The following BLOC1S6 variants were observed in gnomAD, a reference collection of about 807,000 sequenced individuals.
BLOC1S6 encodes the protein biogenesis of lysosomal organelles complex 1 subunit 6, also known as biogenesis of lysosome-related organelles complex 1 subunit 6.
A neutral mutation model predicts 24.7 loss-of-function variants in BLOC1S6; 24 were observed. The observed-to-expected ratio is 0.97, with a 90% CI of 0.70 to 1.37. BLOC1S6 has a LOEUF of 1.37. BLOC1S6 is among the 40% of genes most tolerant of loss of function. The pLI is 0.00. For missense variants in BLOC1S6, 175 were observed against 196.2 expected (o/e 0.89, Z 0.64); for synonymous variants, 76 against 72.6 (o/e 1.05, Z -0.23).
chr15:45,603,140 A>T lies in BLOC1S6; in HGVS notation c.265A>T (p.Ile89Phe). The change falls in exon 3 of 5, where the codon ATT becomes TTT. Residue 89 changes from isoleucine (I) to phenylalanine (F), a missense_variant. Physicochemically the swap from Ile to Phe is conservative, Grantham distance 21. Transcript: ENST00000220531. ...ATTGTTAGACACACTGGAACAAGAG[A>T]TTTCAAAATTTAAAGAATGTCATTC... ...VVLLDTLEQE[I>F]SKFKECHSML... 1 of 1,611,548 alleles carries T rather than the reference A, an allele frequency of 6.2e-7. No homozygotes were observed. Among genetic ancestry groups the T allele is most frequent in the Non-Finnish European group, 8.5e-7 (1 of 1,178,148 alleles).
At position 45,603,133 on chromosome 15, in the gene BLOC1S6, A is replaced by AC. The variant is rs1386808832; in HGVS notation, c.259dup (p.Gln87ProfsTer7). ...AAGTTGTATTGTTAGACACACTGGA[A>AC]CAAGAGATTTCAAAATTTAAAGAAT... On this transcript the variant is annotated frameshift_variant, in exon 3 of 5. Coordinates refer to ENST00000220531, the MANE Select transcript of BLOC1S6 (RefSeq NM_012388.4). LOFTEE classifies it high-confidence loss of function. The AC allele has an allele frequency of 3.7e-6, 6 of 1,611,638 alleles. No homozygotes were observed.
intron 3 of BLOC1S6, among the ~76,000 whole-genome samples, chr15:45,603,996 T>A (rs1052434128): frequency 6.6e-6 from 1 of 152,212 alleles, no homozygotes; most frequent in South Asian, 2.1e-4. Flanking sequence ...AGTGATACTC[T>A]GTATTATAAG....
At chr15:45,605,573 GTTTT>G in intron 4 of BLOC1S6, 59 bp downstream of exon 4, 1 of 824,816 alleles carries the variant, frequency 1.2e-6, no homozygotes, top group Non-Finnish European at 1.8e-6. Flanking sequence ...GTTTTTTGTT[GTTTT>G]TTTTTTTTTT....
At chr15:45,599,388 T>A (rs1894188082) in intron 2 of BLOC1S6, 1 of 93,126 alleles carries the variant, frequency 1.1e-5, no homozygotes, top group Non-Finnish European at 1.9e-5. Context: ...ACCATCAGAG[T>A]GAACAGGCAA....
At chr15:45,603,038 CTT>C in intron 2 of BLOC1S6, 60 bp from the exon 3 acceptor site, 2 of 1,116,360 alleles carry the variant, frequency 1.8e-6, no homozygotes, top group Non-Finnish European at 2.7e-6. Context: ...AATATGATTC[CTT>C]TTAATGGACC....
chr15:45,596,459 A>C (rs1442870598), intron 2 of BLOC1S6, among the ~76,000 whole-genome samples: 1 of 152,082 alleles, frequency 6.6e-6, no homozygotes, highest in Non-Finnish European at 1.5e-5. Flanking sequence ...TGGCCTCCCA[A>C]AGTGCTGGGA....
At position 45,592,188 on chromosome 15, in the gene BLOC1S6, G is replaced by T; in HGVS notation, c.136G>T (p.Asp46Tyr). 6.2e-7 allele frequency: 1 copy of T among 1,614,142 alleles called. No individual in the cohort carries two copies. Among genetic ancestry groups the T allele is most frequent in the East Asian group, 2.2e-5 (1 of 44,878 alleles). The change falls in exon 2 of 5, where the codon GAC (aspartate) becomes TAC (tyrosine). Residue 46 changes from aspartate to tyrosine, a missense_variant. Asp to Tyr is a radical substitution (Grantham distance 160, BLOSUM62 -3). Coordinates refer to ENST00000220531, the MANE Select transcript of BLOC1S6 (RefSeq NM_012388.4). ...EGLIEDLTIE[D>Y]KAVEQLAEGL... The stretch of plus-strand genomic sequence containing the variant: ...GTTAATAGAGGACTTGACTATAGAA[G>T]ACAAAGCAGTGGAGCAACTGGCAGA...
rs2140923969 is a variant in BLOC1S6 at position 45,609,220 on chromosome 15, G to A, written c.*2706G>A. 6.6e-6 allele frequency: 1 copy of A among 152,248 alleles called. No individual in the cohort carries two copies. Among genetic ancestry groups the A allele is most frequent in the Non-Finnish European group, 1.5e-5 (1 of 68,030 alleles). 9.4% of individuals were successfully genotyped at this position (152,248 alleles called of 1,614,324 possible). A position where few individuals can be genotyped will look rare whatever the true frequency, so the allele number is the denominator to read the frequency against. The stretch of plus-strand genomic sequence containing the variant: ...ACCTGTAATCCCAGTGCTTTGGGAG[G>A]CTGAGGTGGGAAGATTCTTTGAGCC... On this transcript the variant is annotated 3_prime_UTR_variant, in exon 5 of 5. Transcript: ENST00000220531.
In BLOC1S6 at chr15:45,592,168, T is replaced by A. The variant is rs981837571; in HGVS notation, c.116T>A (p.Ile39Lys). The change falls in exon 2 of 5, where the codon ATA becomes AAA. Residue 39 changes from isoleucine to lysine, a missense_variant. Coordinates refer to ENST00000220531, the MANE Select transcript of BLOC1S6 (RefSeq NM_012388.4). ...LSDTSPDEGL[I>K]EDLTIEDKAV... The stretch of plus-strand genomic sequence containing the variant: ...GACACTTCTCCAGATGAAGGGTTAA[T>A]AGAGGACTTGACTATAGAAGACAAA... The A allele has an allele frequency of 6.2e-7, 1 of 1,614,080 alleles. No homozygotes were observed. The highest frequency in any genetic ancestry group is 1.3e-5 in the African/African-American group (1 of 74,940).
intron 1 of BLOC1S6, among the ~76,000 whole-genome samples, chr15:45,590,345 A>G (rs763066547): frequency 2.9e-4 from 44 of 151,508 alleles, no homozygotes; most frequent in Non-Finnish European, 5.4e-4. Flanking sequence ...TAAAAATTAT[A>G]TAATTTTATT....
At chr15:45,595,376 G>A (rs1445937863) in intron 2 of BLOC1S6, among the ~76,000 whole-genome samples, 1 of 152,168 alleles carries the variant, frequency 6.6e-6, no homozygotes, top group East Asian at 1.9e-4. Flanking sequence ...AAATTCCAAG[G>A]ATTTTAGAAG....
intron 1 of BLOC1S6, 127 bp downstream of exon 1, chr15:45,587,652 C>A: frequency 1.0e-6 from 1 of 971,346 alleles, no homozygotes; most frequent in Non-Finnish European, 1.6e-6. Context: ...CCGGGCCCTG[C>A]CCCGAGTGCA....
In BLOC1S6 at chr15:45,606,690, T is replaced by G. The variant is rs1333104398; in HGVS notation, c.*176T>G. Reference sequence around the variant, plus strand: ...AGTAGCAGACGTCATGTTGCATGGTTTTTGATATTTATATGTAAGTTTTTC... The same window carrying G: ...AGTAGCAGACGTCATGTTGCATGGTGTTTGATATTTATATGTAAGTTTTTC... On this transcript the variant is annotated 3_prime_UTR_variant, in exon 5 of 5. Transcript: ENST00000220531. The G allele has an allele frequency of 1.3e-6, 1 of 762,706 alleles. No homozygotes were observed. Among genetic ancestry groups the G allele is most frequent in the Non-Finnish European group, 2.0e-6 (1 of 490,262 alleles). 47.2% of individuals were successfully genotyped at this position (762,706 alleles called of 1,614,324 possible).
At chr15:45,587,253 C>T (rs1366044674), upstream of BLOC1S6, 3 of 640,494 alleles carry the variant, frequency 4.7e-6, no homozygotes, top group African/African-American at 1.8e-5. Flanking sequence ...GATATCAGCG[C>T]GGGGTCCCCA....
intron 2 of BLOC1S6, among the ~76,000 whole-genome samples, chr15:45,595,657 T>C (rs2140908267): frequency 6.6e-6 from 1 of 152,202 alleles, no homozygotes; most frequent in African/African-American, 2.4e-5. Flanking sequence ...AGAAAAAATA[T>C]AGTCGGTTTT....
In BLOC1S6 at chr15:45,608,389, T is replaced by A. The variant is rs1412767334; in HGVS notation, c.*1875T>A. Reference sequence around the variant, plus strand: ...ATTAGGGCTTGCAGACAATGTCACCTAAATTGCTGAATGTACTCATTATAA... The same window carrying A: ...ATTAGGGCTTGCAGACAATGTCACCAAAATTGCTGAATGTACTCATTATAA... On this transcript the variant is annotated 3_prime_UTR_variant, in exon 5 of 5. Coordinates refer to ENST00000220531, the MANE Select transcript of BLOC1S6 (RefSeq NM_012388.4). 1 of 152,250 alleles carries A rather than the reference T, an allele frequency of 6.6e-6. No homozygotes were observed. The highest frequency in any genetic ancestry group is 1.5e-5 in the Non-Finnish European group (1 of 68,042). The allele number at this position is 152,250 out of a possible 1,614,324, so 9.4% of individuals were successfully genotyped here.
chr15:45,587,717 C>T (rs774716494), intron 1 of BLOC1S6, 192 bp downstream of exon 1: 1 of 713,796 alleles, frequency 1.4e-6, no homozygotes, highest in South Asian at 1.5e-5. Flanking sequence ...GAACTGAAGT[C>T]CCGAGGGGAA....
chr15:45,605,498 A>G lies in BLOC1S6; in HGVS notation c.383A>G (p.Lys128Arg). The G allele has an allele frequency of 6.2e-7, 1 of 1,610,422 alleles. No homozygotes were observed. The highest frequency in any genetic ancestry group is 8.5e-7 in the Non-Finnish European group (1 of 1,176,916). The change falls in exon 4 of 5, where the codon AAA becomes AGA. Residue 128 changes from lysine (K) to arginine (R), a missense_variant. Physicochemically the swap from Lys to Arg is conservative, Grantham distance 26. Transcript: ENST00000220531. ...IRKEMLMLHE[K>R]TSKLKKRALK... is the part of the protein sequence containing the mutation. ...AAAGAGATGCTGATGCTTCATGAAA[A>G]AACATCAAAGTTAAAAGTGAGTTGA...
chr15:45,591,817 T>G (rs1893896534), intron 1 of BLOC1S6, among the ~76,000 whole-genome samples: 1 of 152,228 alleles, frequency 6.6e-6, no homozygotes, highest in Non-Finnish European at 1.5e-5. Flanking sequence ...TTTTTGAACA[T>G]TCATGACTCA....
Sources: allele counts gnomAD v4.1 joint callset (sites outside exome capture counted in the v4.1 genomes callset), GRCh38; gene constraint gnomAD v4.1.1; transcripts MANE v1.5; gene names NCBI Gene and HGNC (gene_info 2026-07-23, HGNC 2026-07-21).